The following ARFIP1 variants were observed in gnomAD, a reference collection of about 807,000 sequenced individuals.
ARFIP1 encodes the protein arfaptin-1.
A neutral mutation model predicts 42.5 loss-of-function variants in ARFIP1; 24 were observed. The observed-to-expected ratio is 0.57, with a 90% CI of 0.41 to 0.80. The LOEUF (loss-of-function observed/expected upper bound fraction) is 0.80. ARFIP1 is among the 30% of genes least tolerant of loss of function. ARFIP1 has a pLI of 0.00. For synonymous variants in ARFIP1, 141 were observed against 153.7 expected (o/e 0.92, Z 0.61); for missense variants, 354 against 434.0 (o/e 0.82, Z 1.64).
At chr4:152,907,696 TA>T (rs532760157) in intron 8 of ARFIP1, among the ~76,000 whole-genome samples, 119 of 152,336 alleles carry the variant, frequency 7.8e-4, no homozygotes, top group African/African-American at 2.7e-3. Context: ...GTTTCATCCA[TA>T]GTGATGCATG....
At chr4:152,789,513 G>A (rs190639821) in intron 1 of ARFIP1, among the ~76,000 whole-genome samples, 75 of 152,148 alleles carry the variant, frequency 4.9e-4, no homozygotes, top group African/African-American at 1.7e-3. Context: ...TTTGTATATT[G>A]TACTTTTTAG....
At chr4:152,903,498 T>C (rs1738021138) in intron 8 of ARFIP1, among the ~76,000 whole-genome samples, 1 of 152,132 alleles carries the variant, frequency 6.6e-6, no homozygotes, top group Non-Finnish European at 1.5e-5. Context: ...TTTTTTTTCT[T>C]TTGTTTTTAC....
At chr4:152,901,324 T>C (rs942380309) in intron 8 of ARFIP1, among the ~76,000 whole-genome samples, 4 of 152,224 alleles carry the variant, frequency 2.6e-5, no homozygotes, top group African/African-American at 7.2e-5. Flanking sequence ...GTTTTCGGTG[T>C]AGTCCACTTG....
At position 152,911,583 on chromosome 4, in the gene ARFIP1, TC is replaced by T. The variant is rs1291909524; in HGVS notation, c.*1367del. On this transcript the variant is annotated 3_prime_UTR_variant, in exon 9 of 9. Transcript: ENST00000353617. ...ACATAAATTAATATTTTGAGAGGCA[TC>T]CCTCACCTGTTCATTTCTTCTGTGT... 3.3e-5 allele frequency: 5 copies of T among 152,650 alleles called. No homozygotes were observed. The East Asian group carries it at 9.6e-4, about 29-fold the overall frequency. 9.5% of individuals were successfully genotyped at this position (152,650 alleles called of 1,614,324 possible). A position where few individuals can be genotyped will look rare whatever the true frequency, so the allele number is the denominator to read the frequency against.
chr4:152,789,445 C>G (rs963555619), intron 1 of ARFIP1, among the ~76,000 whole-genome samples: 8 of 152,234 alleles, frequency 5.3e-5, no homozygotes, highest in Non-Finnish European at 1.0e-4. Context: ...GACTACTTGG[C>G]TTGAGATAAT....
rs80327813 is a variant in ARFIP1 at position 152,901,729 on chromosome 4, G to A, written c.967-8335G>A. The stretch of plus-strand genomic sequence containing the variant: ...ATATTTTAAATCATTTCTAACTTAG[G>A]ACATAAATAGTTCAATAAAGACTTT... On this transcript the variant is annotated intron_variant, in intron 8 of 8. Transcript: ENST00000353617. Among the ~76,000 whole-genome samples the A allele has an allele frequency of 8.5e-5, 13 of 152,082 alleles. No individual in the cohort carries two copies. In the East Asian group the frequency reaches 2.3e-3, roughly 27 times the overall value.
At chr4:152,882,949 A>G in intron 7 of ARFIP1, 69 bp downstream of exon 7, 1 of 1,507,422 alleles carries the variant, frequency 6.6e-7, no homozygotes, top group Non-Finnish European at 8.9e-7. Context: ...TTTTTTGGTT[A>G]CAAACAACAG....
chr4:152,833,572 T>A (rs1055145430), intron 2 of ARFIP1, among the ~76,000 whole-genome samples: 5 of 152,212 alleles, frequency 3.3e-5, no homozygotes, highest in Admixed American at 3.3e-4. Flanking sequence ...CCCATGTTCT[T>A]TGCAGCATTA....
At chr4:152,908,436 C>T (rs1738550285) in intron 8 of ARFIP1, among the ~76,000 whole-genome samples, 1 of 152,020 alleles carries the variant, frequency 6.6e-6, no homozygotes, top group South Asian at 2.1e-4. Flanking sequence ...ATGGTGAAAC[C>T]CCGTCTCTAC....
At chr4:152,867,278 G>A (rs1734482579) in intron 3 of ARFIP1, among the ~76,000 whole-genome samples, 1 of 152,184 alleles carries the variant, frequency 6.6e-6, no homozygotes, top group African/African-American at 2.4e-5. Flanking sequence ...CGGATCACTC[G>A]CGGTTAGGAG....
intron 1 of ARFIP1, among the ~76,000 whole-genome samples, chr4:152,787,948 G>A (rs1198219903): frequency 2.0e-5 from 3 of 152,180 alleles, no homozygotes; most frequent in African/African-American, 7.2e-5. Flanking sequence ...TTATTAGGCC[G>A]GGCACAGTGG....
chr4:152,829,593 G>T (rs774798384), intron 1 of ARFIP1, 32 bp from the exon 2 acceptor site: 18 of 1,478,806 alleles, frequency 1.2e-5, no homozygotes, highest in Non-Finnish European at 1.4e-5. Flanking sequence ...TTTGGTATTA[G>T]TTACGGCGCT....
chr4:152,886,565 A>G (rs902682425), intron 7 of ARFIP1, among the ~76,000 whole-genome samples: 6 of 151,912 alleles, frequency 3.9e-5, no homozygotes, highest in African/African-American at 1.2e-4. Context: ...CCATCCTTCA[A>G]ATTTTAATTA....
chr4:152,893,352 A>G (rs1428103345), intron 8 of ARFIP1, among the ~76,000 whole-genome samples: 1 of 152,226 alleles, frequency 6.6e-6, no homozygotes, highest in African/African-American at 2.4e-5. Context: ...TTCTGTTTGC[A>G]TAGAAAGAGG....
rs368661898 is a variant in ARFIP1 at position 152,888,315 on chromosome 4, C to T, written c.966+8C>T. The T allele has an allele frequency of 1.3e-6, 2 of 1,573,062 alleles. No individual in the cohort carries two copies. The highest frequency in any genetic ancestry group is 1.7e-6 in the Non-Finnish European group (2 of 1,154,508). On this transcript the variant is annotated splice_region_variant and intron_variant, in intron 8 of 8. Transcript: ENST00000353617. ...TTTCTAGAAGAAAATAAGGTAAATT[C>T]TTTACCTTCTAAGGTCTTTCTGTGG...
At chr4:152,879,647 C>G (rs976087164) in intron 5 of ARFIP1, among the ~76,000 whole-genome samples, 1 of 151,392 alleles carries the variant, frequency 6.6e-6, no homozygotes, top group Non-Finnish European at 1.5e-5. Context: ...GTCAGGAGTT[C>G]GAGACCAGCC....
At chr4:152,883,688 A>T (rs1047216890) in intron 7 of ARFIP1, among the ~76,000 whole-genome samples, 4 of 151,038 alleles carry the variant, frequency 2.6e-5, no homozygotes, top group African/African-American at 9.7e-5. Context: ...AACAAAATAT[A>T]TATTAATAAA....
At chr4:152,809,050 CA>C (rs886179839) in intron 1 of ARFIP1, among the ~76,000 whole-genome samples, 5 of 147,638 alleles carry the variant, frequency 3.4e-5, no homozygotes, top group African/African-American at 7.4e-5. Flanking sequence ...AGACCCGTCT[CA>C]AAAAAAAAAT....
intron 1 of ARFIP1, among the ~76,000 whole-genome samples, chr4:152,798,262 C>CA (rs1445537672): frequency 6.6e-6 from 1 of 152,116 alleles, no homozygotes; most frequent in Non-Finnish European, 1.5e-5. Flanking sequence ...GACACCGTCT[C>CA]AAAAAACAAG....
Sources: gnomAD v4.1 joint callset for allele counts (sites outside exome capture counted in the v4.1 genomes callset) on GRCh38, gnomAD v4.1.1 for gene constraint, MANE v1.5 for transcripts, NCBI Gene and HGNC (gene_info 2026-07-23, HGNC 2026-07-21) for gene names.